Variants in LBP observed in about 807,000 individuals in gnomAD.
The protein encoded by LBP is lipopolysaccharide binding protein, also known as lipopolysaccharide-binding protein.
Under a neutral mutation model 56.6 loss-of-function variants are expected in LBP, and 53 were observed. The observed-to-expected ratio is 0.94, with a 90% CI of 0.75 to 1.18. The LOEUF (loss-of-function observed/expected upper bound fraction) is 1.18, where lower values mean the gene tolerates loss of function less well. LBP is among the 50% of genes most tolerant of loss of function. The probability of loss-of-function intolerance (pLI) is 0.00; values close to 1 mark genes in which losing one functional copy is unlikely to be tolerated. For missense variants in LBP, 601 were observed against 598.3 expected (o/e 1.00, Z -0.05); for synonymous variants, 227 against 247.5 (o/e 0.92, Z 0.78).
At chr20:38,367,304 A>C (rs978035273) in intron 9 of LBP, among the ~76,000 whole-genome samples, 58 of 152,128 alleles carry the variant, frequency 3.8e-4, no homozygotes, top group African/African-American at 1.4e-3. Flanking sequence ...AAATACAAAA[A>C]TTAGCCAAGC....
At chr20:38,365,713 A>T (rs1477387644) in intron 8 of LBP, among the ~76,000 whole-genome samples, 2,385 of 28,136 alleles carry the variant, frequency 0.085, 16 homozygotes, top group Non-Finnish European at 0.12. Context: ...AAAAAAAAAA[A>T]AAAAATATAT....
chr20:38,368,976 C>T lies in LBP; in HGVS notation c.982-19C>T, dbSNP rs760076763. On this transcript the variant is annotated intron_variant, in intron 9 of 14. Coordinates refer to ENST00000217407, the MANE Select transcript of LBP (RefSeq NM_004139.5). ...GTATATTTTCTTCTCTTGATGTAATCTCCTAATTCTGCTCCCAGTTAGCCA... is the reference window on the plus strand; with the variant it reads ...GTATATTTTCTTCTCTTGATGTAATTTCCTAATTCTGCTCCCAGTTAGCCA... The T allele has an allele frequency of 3.7e-6, 6 of 1,612,442 alleles. No individual in the cohort carries two copies. In the Admixed American group the frequency reaches 5.0e-5, roughly 13 times the overall value.
intron 14 of LBP, 40 bp downstream of exon 14, chr20:38,374,053 G>A: frequency 6.3e-7 from 1 of 1,591,522 alleles, no homozygotes; most frequent in Non-Finnish European, 8.6e-7. Context: ...GTGTGAGGGA[G>A]GAGGTGGTTT....
At chr20:38,357,361 C>T (rs1011590817) in intron 5 of LBP, among the ~76,000 whole-genome samples, 3 of 152,170 alleles carry the variant, frequency 2.0e-5, no homozygotes, top group Admixed American at 2.0e-4. Flanking sequence ...CTCACCTGAC[C>T]CCTGATCCTT....
At chr20:38,364,196 G>C (rs987041135) in intron 7 of LBP, 130 bp downstream of exon 7, 14 of 681,286 alleles carry the variant, frequency 2.1e-5, no homozygotes, top group South Asian at 3.5e-5. Context: ...TCAAGGGCCG[G>C]GTGATATGGA....
intron 11 of LBP, 105 bp downstream of exon 11, chr20:38,370,910 G>A: frequency 2.1e-6 from 2 of 948,058 alleles, no homozygotes; most frequent in South Asian, 2.6e-5. Context: ...ATTTGGAAAG[G>A]ACACTTACAT....
chr20:38,366,017 G>T (rs2076880552), intron 8 of LBP, among the ~76,000 whole-genome samples: 1 of 152,142 alleles, frequency 6.6e-6, no homozygotes, highest in Admixed American at 6.6e-5. Context: ...AAGGGAGACT[G>T]AATTTTACAG....
At position 38,354,344 on chromosome 20, in the gene LBP, G is replaced by C; in HGVS notation, c.429G>C (p.Leu143=). 1 of 1,613,800 alleles carries C rather than the reference G, an allele frequency of 6.2e-7. No homozygotes were observed. Among genetic ancestry groups the C allele is most frequent in the Non-Finnish European group, 8.5e-7 (1 of 1,179,968 alleles). The change falls in exon 4 of 15, where the codon CTG becomes CTC. Residue 143 remains leucine (L), a synonymous_variant. Transcript: ENST00000217407. ...VKGISISVNL[L]LGSESSGRPT... ...GCATCAGCATTTCGGTCAACCTCCTGTTGGGCAGCGAGTCCTCCGGGAGGC... is the reference window on the plus strand; with the variant it reads ...GCATCAGCATTTCGGTCAACCTCCTCTTGGGCAGCGAGTCCTCCGGGAGGC...
At chr20:38,366,489 G>A (rs1479833939) in intron 8 of LBP, among the ~76,000 whole-genome samples, 1 of 152,176 alleles carries the variant, frequency 6.6e-6, no homozygotes, top group Non-Finnish European at 1.5e-5. Context: ...AGATCACAAA[G>A]TCAGGACACA....
At chr20:38,365,717 AATATATAT>A (rs1310925124) in intron 8 of LBP, among the ~76,000 whole-genome samples, 38 of 43,704 alleles carry the variant, frequency 8.7e-4, no homozygotes, top group African/African-American at 3.1e-3. Context: ...AAAAAAAAAA[AATATATAT>A]ATATATATAT....
chr20:38,351,261 T>C lies in LBP; in HGVS notation c.368+322T>C, dbSNP rs6025082. On this transcript the variant is annotated intron_variant, in intron 3 of 14. Transcript: ENST00000217407. ...AGGGCAAGAATTCCAGTGCAATACT[T>C]TATCTTGGAAGCGATCTGAGGAAAC... Among the ~76,000 whole-genome samples, 691 of 152,288 alleles carry C rather than the reference T, an allele frequency of 4.5e-3. 7 individuals carry two copies. The highest frequency in any genetic ancestry group is 0.016 in the African/African-American group (663 of 41,556).
intron 14 of LBP, 110 bp from the exon 15 acceptor site, chr20:38,376,515 T>G (rs2083959224): frequency 1.0e-6 from 1 of 986,156 alleles, no homozygotes; most frequent in Admixed American, 1.7e-5. Context: ...CTGACCTGGA[T>G]TCTGGCAGAG....
chr20:38,375,300 A>G (rs899171215), intron 14 of LBP, among the ~76,000 whole-genome samples: 3 of 149,266 alleles, frequency 2.0e-5, no homozygotes, highest in Admixed American at 1.3e-4. Context: ...ATTTTTTTTT[A>G]GGCCAGGAGC....
At chr20:38,365,340 C>G (rs149506270) in intron 8 of LBP, among the ~76,000 whole-genome samples, 2 of 151,374 alleles carry the variant, frequency 1.3e-5, no homozygotes, top group African/African-American at 4.9e-5. Context: ...CTAGTCTAGA[C>G]TTGTTAGTCT....
chr20:38,354,265 C>T lies in LBP; in HGVS notation c.369-19C>T. ...CCCCTGGTCTAGGAACTAACCATGG[C>T]TTCTCTTACCTCCTCCAGCAAACTA... On this transcript the variant is annotated intron_variant, in intron 3 of 14. Transcript: ENST00000217407. The T allele has an allele frequency of 6.2e-7, 1 of 1,605,114 alleles. No individual in the cohort carries two copies. Among genetic ancestry groups the T allele is most frequent in the Admixed American group, 1.7e-5 (1 of 58,964 alleles).
chr20:38,374,248 A>T (rs1172076438), intron 14 of LBP, among the ~76,000 whole-genome samples: 1 of 152,190 alleles, frequency 6.6e-6, no homozygotes, highest in Non-Finnish European at 1.5e-5. Context: ...CTATGCCACC[A>T]CCACATCCCA....
chr20:38,355,733 C>T lies in LBP; in HGVS notation c.588+324C>T, dbSNP rs117358770. On this transcript the variant is annotated intron_variant, in intron 5 of 14. Transcript: ENST00000217407. ...CACTGCCCTGCATTCCACCAAGGTC[C>T]GAAAGGAAACCATTCCTCAGGCGCC... Among the ~76,000 whole-genome samples, 12 of 152,178 alleles carry T rather than the reference C, an allele frequency of 7.9e-5. No individual in the cohort carries two copies. The East Asian group carries it at 1.9e-3, about 25-fold the overall frequency.
rs993608765 is a variant in LBP, at chr20:38,360,729, T to A, written c.614T>A (p.Val205Glu). ...SRICEMIQKSVSSDLQPYLQT... is the reference protein window; with the variant it reads ...SRICEMIQKSESSDLQPYLQT... The stretch of plus-strand genomic sequence containing the variant: ...ATTTGCGAAATGATCCAGAAATCAG[T>A]GTCCTCCGATCTACAGCCTTATCTC... The change falls in exon 6 of 15, where the codon GTG becomes GAG. Residue 205 changes from valine (V) to glutamate (E), a missense_variant. Physicochemically the swap from Val to Glu is moderately radical, Grantham distance 121. Coordinates refer to ENST00000217407, the MANE Select transcript of LBP (RefSeq NM_004139.5). 1 of 1,613,098 alleles carries A rather than the reference T, an allele frequency of 6.2e-7. No individual in the cohort carries two copies. The highest frequency in any genetic ancestry group is 8.5e-7 in the Non-Finnish European group (1 of 1,179,152).
At chr20:38,355,265 C>A in intron 4 of LBP, 81 bp from the exon 5 acceptor site, 2 of 1,290,026 alleles carry the variant, frequency 1.6e-6, no homozygotes, top group Non-Finnish European at 2.3e-6. Context: ...TGTGGACTGG[C>A]CTGACCAGGG....
Sources: gnomAD v4.1 joint callset for allele counts (sites outside exome capture counted in the v4.1 genomes callset) on GRCh38, gnomAD v4.1.1 for gene constraint, MANE v1.5 for transcripts, NCBI Gene and HGNC (gene_info 2026-07-23, HGNC 2026-07-21) for gene names.